The following SLC35E2B variants were observed in gnomAD, a reference collection of about 807,000 sequenced individuals.
The protein encoded by SLC35E2B is solute carrier family 35 member E2B.
SLC35E2B carries 18 observed loss-of-function variants against 32.4 expected under a neutral mutation model. That is an observed-to-expected ratio of 0.56 (90% confidence interval 0.38 to 0.82). SLC35E2B has a LOEUF of 0.82. SLC35E2B is among the 40% of genes least tolerant of loss of function. The pLI, the probability that SLC35E2B is intolerant of heterozygous loss-of-function variation, is 0.00. For synonymous variants in SLC35E2B, 132 were observed against 209.1 expected (o/e 0.63, Z 3.18); for missense variants, 263 against 469.5 (o/e 0.56, Z 4.06).
chr1:1,670,012 G>T, intron 7 of SLC35E2B, 86 bp downstream of exon 7: 1 of 1,227,666 alleles, frequency 8.1e-7, no homozygotes. Flanking sequence ...AGGGAGTCAG[G>T]CCTGTGGGGT....
At chr1:1,672,777 G>C (rs568297435) in intron 5 of SLC35E2B, 4 of 152,388 alleles carry the variant, frequency 2.6e-5, no homozygotes, top group Admixed American at 2.6e-4. Context: ...CACCGGGGAG[G>C]GTGGTGCCTT....
intron 5 of SLC35E2B, chr1:1,673,167 C>T (rs1165469040): frequency 4.4e-6 from 1 of 226,864 alleles, no homozygotes; most frequent in African/African-American, 2.3e-5. Flanking sequence ...ATAAGGAGTT[C>T]AGGACCAGCA....
Position 1,669,026 on chromosome 1 carries a change from A to G in SLC35E2B, c.835-554T>C, listed in dbSNP as rs76383439. ...AAAAAAAATTAAATATAGAATTATT[A>G]TATAATCCAGCACTTCCACTGCTGG... On this transcript the variant is annotated intron_variant, in intron 8 of 9. Transcript: ENST00000617444. 6.2e-4 allele frequency among the ~76,000 whole-genome samples: 95 copies of G among 152,020 alleles called. 5 individuals are homozygous for G. In the East Asian group the frequency reaches 9.1e-3, roughly 15 times the overall value.
chr1:1,688,082 G>A (rs868582013), intron 2 of SLC35E2B, among the ~76,000 whole-genome samples: 1 of 152,018 alleles, frequency 6.6e-6, no homozygotes, highest in Non-Finnish European at 1.5e-5. Flanking sequence ...AGGGCGCAGG[G>A]GGCTTGAAAG....
chr1:1,668,189 C>G lies in SLC35E2B; in HGVS notation c.980+138G>C. ...TTCAAACAGCATGGGTATAAAATAG[C>G]CTAGTAATTACACTGCATAGCCACA... On this transcript the variant is annotated intron_variant, in intron 9 of 9. Transcript: ENST00000617444. 13 of 1,247,840 alleles carry G rather than the reference C, an allele frequency of 1.0e-5. No individual in the cohort carries two copies. In the South Asian group the frequency reaches 2.0e-4, roughly 19 times the overall value. The allele number at this position is 1,247,840 out of a possible 1,614,324, so 77.3% of individuals were successfully genotyped here. A position where few individuals can be genotyped will look rare whatever the true frequency, so the allele number is the denominator to read the frequency against.
At position 1,671,536 on chromosome 1, in the gene SLC35E2B, G is replaced by A. The variant is rs1368230572; in HGVS notation, c.680C>T (p.Ala227Val). The change falls in exon 6 of 10, where the codon GCC (alanine) becomes GTC (valine). Residue 227 changes from alanine to valine, a missense_variant. Ala to Val is a moderately conservative substitution (Grantham distance 64, BLOSUM62 0). Around this residue, in one of 7 missense-constraint regions of SLC35E2B, gnomAD observed 129 missense variants for 164.5 expected, o/e 0.78. Transcript: ENST00000617444. Reference protein sequence around the residue: ...EISFNVLGFSAALSTNIMDCL... With the variant: ...EISFNVLGFSVALSTNIMDCL... ...GTCCATGATGTTGGTGGACAGTGCG[G>A]CCGAGAACCCCAGGACATTGAAGCT... is the stretch of plus-strand genomic sequence containing the variant. 1.3e-6 allele frequency: 2 copies of A among 1,548,384 alleles called. No homozygotes were observed. The highest frequency in any genetic ancestry group is 1.4e-5 in the African/African-American group (1 of 72,860).
At chr1:1,677,654 AT>A (rs879460227) in intron 2 of SLC35E2B, among the ~76,000 whole-genome samples, 193 of 138,288 alleles carry the variant, frequency 1.4e-3, no homozygotes, top group Admixed American at 1.7e-3. Flanking sequence ...ATTTTTTGTA[AT>A]TTTTTTTTTT....
chr1:1,684,064 C>A (rs755606681), intron 2 of SLC35E2B, among the ~76,000 whole-genome samples: 16 of 152,106 alleles, frequency 1.1e-4, no homozygotes, highest in African/African-American at 3.1e-4. Context: ...TGTCCACTCA[C>A]GTCTGGGGCA....
At chr1:1,680,441 C>T (rs1274459772) in intron 2 of SLC35E2B, among the ~76,000 whole-genome samples, 4 of 152,206 alleles carry the variant, frequency 2.6e-5, no homozygotes, top group Non-Finnish European at 1.5e-5. Flanking sequence ...ACAAATGGAC[C>T]CATTCTGGCA....
In SLC35E2B at chr1:1,670,118, G is replaced by A. The variant is rs377734355; in HGVS notation, c.741C>T (p.Ser247=). Residue 247 remains serine, a synonymous_variant, in exon 7 of 10, where the codon AGC becomes AGT. Transcript: ENST00000617444. ...CTTACGAGAACCTGTATTTGTCCCC[G>A]CTGAGCAGCTTTTTTGAAAAAACAT... ...LQNVFSKKLL[S]GDKYRFSAPE... is the part of the protein sequence containing the mutation. 64 of 1,551,700 alleles carry A rather than the reference G, an allele frequency of 4.1e-5. No homozygotes were observed. Among genetic ancestry groups the A allele is most frequent in the African/African-American group, 1.5e-4 (11 of 73,134 alleles).
At chr1:1,685,048 A>G (rs898976674) in intron 2 of SLC35E2B, among the ~76,000 whole-genome samples, 1 of 151,384 alleles carries the variant, frequency 6.6e-6, no homozygotes, top group South Asian at 2.1e-4. Context: ...TGGAGGTTGC[A>G]GTGAGCCAAG....
At chr1:1,677,657 T>G (rs1027607150) in intron 2 of SLC35E2B, among the ~76,000 whole-genome samples, 8 of 151,556 alleles carry the variant, frequency 5.3e-5, no homozygotes, top group Admixed American at 2.0e-4. Flanking sequence ...TTTTGTAATT[T>G]TTTTTTTTTT....
intron 8 of SLC35E2B, among the ~76,000 whole-genome samples, chr1:1,669,204 G>T (rs1041083040): frequency 4.0e-5 from 6 of 151,618 alleles, no homozygotes; most frequent in Admixed American, 3.9e-4. Flanking sequence ...AGAACCCTCT[G>T]TGTGGGGGAC....
intron 5 of SLC35E2B, chr1:1,673,323 C>A: frequency 2.0e-6 from 1 of 490,472 alleles, no homozygotes; most frequent in Non-Finnish European, 4.1e-6. Flanking sequence ...CAAGGCCCAG[C>A]TCAGGGAGCT....
At chr1:1,681,506 CTCTTT>C (rs889199512) in intron 2 of SLC35E2B, among the ~76,000 whole-genome samples, 132 of 151,684 alleles carry the variant, frequency 8.7e-4, no homozygotes, top group African/African-American at 3.1e-3. Context: ...CGCGCCCGGC[CTCTTT>C]TCTTTTCTTT....
At chr1:1,674,783 C>CA (rs1006031624) in intron 5 of SLC35E2B, among the ~76,000 whole-genome samples, 3 of 152,146 alleles carry the variant, frequency 2.0e-5, no homozygotes, top group Admixed American at 1.3e-4. Context: ...CAAAGGCAGA[C>CA]AGACACTTCC....
intron 2 of SLC35E2B, among the ~76,000 whole-genome samples, chr1:1,689,978 C>A (rs1172948508): frequency 5.6e-5 from 8 of 143,218 alleles, no homozygotes; most frequent in Admixed American, 2.1e-4. Flanking sequence ...CAGGGTGAGA[C>A]CCTGTCTCAA....
At position 1,665,635 on chromosome 1, in the gene SLC35E2B, T is replaced by A. The variant is rs1469261288; in HGVS notation, c.*147A>T. ...CCCCAGTTTGAGTTTCTGCTGGTCTTCACCGACAAACCGAGAAAGCCGCAG... is the reference window on the plus strand; with the variant it reads ...CCCCAGTTTGAGTTTCTGCTGGTCTACACCGACAAACCGAGAAAGCCGCAG... On this transcript the variant is annotated 3_prime_UTR_variant, in exon 10 of 10. Transcript: ENST00000617444. 2 of 1,297,176 alleles carry A rather than the reference T, an allele frequency of 1.5e-6. No homozygotes were observed. The highest frequency in any genetic ancestry group is 3.0e-5 in the African/African-American group (2 of 66,792). The allele number at this position is 1,297,176 out of a possible 1,614,324, so 80.4% of individuals were successfully genotyped here. A position where few individuals can be genotyped will look rare whatever the true frequency, so the allele number is the denominator to read the frequency against.
intron 2 of SLC35E2B, among the ~76,000 whole-genome samples, chr1:1,681,811 CTG>C (rs1274064162): frequency 6.7e-6 from 1 of 150,284 alleles, no homozygotes; most frequent in Non-Finnish European, 1.5e-5. Flanking sequence ...CTGTGAAATT[CTG>C]TCTCTACTAA....
Sources: allele counts gnomAD v4.1 joint callset (sites outside exome capture counted in the v4.1 genomes callset), GRCh38; gene constraint gnomAD v4.1.1; regional missense constraint gnomAD v4.1.1; transcripts MANE v1.5; gene names NCBI Gene and HGNC (gene_info 2026-07-23, HGNC 2026-07-21).